Variants in RBM17 observed in about 807,000 individuals in gnomAD.
RBM17 encodes the protein RNA binding motif protein 17.
Under a neutral mutation model 53.2 loss-of-function variants are expected in RBM17, and 7 were observed. That is an observed-to-expected ratio of 0.13 (90% CI 0.07 to 0.25). The LOEUF is 0.25. Among genes scored for constraint, RBM17 ranks in the 10% least tolerant of loss-of-function variants. RBM17 has a pLI of 1.00. For missense variants in RBM17, 257 were observed against 496.7 expected, an observed-to-expected ratio of 0.52 and a Z score of 4.59; for synonymous variants, 167 against 178.1, an observed-to-expected ratio of 0.94 and a Z score of 0.50.
At chr10:6,095,517 C>G (rs1373555462) in intron 1 of RBM17, among the ~76,000 whole-genome samples, 1 of 152,100 alleles carries the variant, frequency 6.6e-6, no homozygotes, top group Non-Finnish European at 1.5e-5. Flanking sequence ...CCTGACCATC[C>G]CTTCATTCTT....
At chr10:6,100,803 T>A (rs1840658749) in intron 2 of RBM17, among the ~76,000 whole-genome samples, 1 of 152,208 alleles carries the variant, frequency 6.6e-6, no homozygotes, top group East Asian at 1.9e-4. Context: ...GTCCACGGTT[T>A]CAGGAGATTG....
rs367581457 is a variant in RBM17 at position 6,115,220 on chromosome 10, C to T, written c.1030-19C>T. ...CAATCTCAAATGCCTTTACTCATCA[C>T]GCTCTCATTTTCTTCCAGATTCCTG... On this transcript the variant is annotated intron_variant, in intron 10 of 11. Coordinates refer to ENST00000379888, the MANE Select transcript of RBM17 (RefSeq NM_032905.5). The T allele has an allele frequency of 2.3e-5, 37 of 1,603,178 alleles. No homozygotes were observed. The highest frequency in any genetic ancestry group is 1.7e-4 in the Admixed American group (10 of 58,566).
At chr10:6,114,932 C>G (rs1840892924) in intron 10 of RBM17, 2 of 310,734 alleles carry the variant, frequency 6.4e-6, no homozygotes, top group Non-Finnish European at 5.9e-6. Context: ...TCCTCTGTTT[C>G]TTTATCCTGT....
chr10:6,100,018 C>T (rs971527419), intron 2 of RBM17, among the ~76,000 whole-genome samples: 1 of 151,976 alleles, frequency 6.6e-6, no homozygotes, highest in Non-Finnish European at 1.5e-5. Context: ...AGATCGAACT[C>T]CAGCCTGGTG....
At chr10:6,094,361 A>G (rs1376598655) in intron 1 of RBM17, among the ~76,000 whole-genome samples, 2 of 152,162 alleles carry the variant, frequency 1.3e-5, no homozygotes, top group Non-Finnish European at 2.9e-5. Flanking sequence ...CATACTGGAG[A>G]TAGTCTGTAT....
At chr10:6,098,576 T>G (rs553535145) in intron 2 of RBM17, among the ~76,000 whole-genome samples, 3,262 of 122,040 alleles carry the variant, frequency 0.027, 88 homozygotes, top group Middle Eastern at 0.069. Context: ...TTTTTTTTTT[T>G]TTTTTTTTTT....
At chr10:6,090,860 AT>A (rs953617314) in intron 1 of RBM17, among the ~76,000 whole-genome samples, 4 of 145,054 alleles carry the variant, frequency 2.8e-5, no homozygotes, top group Admixed American at 7.6e-5. Flanking sequence ...TATGGGAAAA[AT>A]TTTTTTTTAA....
chr10:6,093,386 G>A (rs991701044), intron 1 of RBM17, among the ~76,000 whole-genome samples: 1 of 151,950 alleles, frequency 6.6e-6, no homozygotes, highest in Non-Finnish European at 1.5e-5. Context: ...CACCTGGCTA[G>A]TTTTATATTT....
At chr10:6,110,946 C>T (rs1840828075) in intron 7 of RBM17, among the ~76,000 whole-genome samples, 1 of 134,042 alleles carries the variant, frequency 7.5e-6, no homozygotes, top group African/African-American at 2.6e-5. Flanking sequence ...AGACATGAAG[C>T]TGGTTTTGTT....
rs1221504658 is a variant in RBM17 at position 6,098,556 on chromosome 10, G to GTTT, written c.123+1372_123+1374dup. Among the ~76,000 whole-genome samples, 83 of 87,976 alleles carry GTTT rather than the reference G, an allele frequency of 9.4e-4. 8 individuals carry two copies. Among genetic ancestry groups the GTTT allele is most frequent in the Middle Eastern group, 6.2e-3 (1 of 162 alleles). The allele number at this position is 87,976 out of a possible 152,430, so 57.7% of individuals were successfully genotyped here. On this transcript the variant is annotated intron_variant, in intron 2 of 11. Coordinates refer to ENST00000379888, the MANE Select transcript of RBM17 (RefSeq NM_032905.5). ...GTTTGAAAATTTCCGTAATACACAG[G>GTTT]TTTTTTGTTTTTTTTTTTTTTTTTT...
At chr10:6,098,308 C>T (rs965593641) in intron 2 of RBM17, among the ~76,000 whole-genome samples, 2 of 152,082 alleles carry the variant, frequency 1.3e-5, no homozygotes, top group African/African-American at 4.8e-5. Context: ...TAGTCAAAGG[C>T]TCCTTGCTGG....
intron 2 of RBM17, among the ~76,000 whole-genome samples, chr10:6,099,566 A>C (rs1252600190): frequency 2.6e-5 from 4 of 152,202 alleles, no homozygotes; most frequent in Admixed American, 2.6e-4. Context: ...CCATATTTTA[A>C]ATCATCTGTG....
intron 5 of RBM17, 38 bp from the exon 6 acceptor site, chr10:6,108,647 CG>C: frequency 6.4e-7 from 1 of 1,574,488 alleles, no homozygotes; most frequent in Non-Finnish European, 8.7e-7. Context: ...AGTCTGGCAT[CG>C]GAAACCTCCT....
In RBM17 at chr10:6,112,470, G is replaced by A. The variant is rs771093306; in HGVS notation, c.856+109G>A. Reference sequence around the variant, plus strand: ...TCAGCAGGGGGACAATGAGGCGTGTGGCCAGAGGGAGAGGGCTGGCCCTGC... The same window carrying A: ...TCAGCAGGGGGACAATGAGGCGTGTAGCCAGAGGGAGAGGGCTGGCCCTGC... On this transcript the variant is annotated intron_variant, in intron 8 of 11. Coordinates refer to ENST00000379888, the MANE Select transcript of RBM17 (RefSeq NM_032905.5). The surrounding 1 kb of genome is among the most constrained non-coding windows in gnomAD (Gnocchi z 4.4). 17 of 1,356,134 alleles carry A rather than the reference G, an allele frequency of 1.3e-5. No individual in the cohort carries two copies. Among genetic ancestry groups the A allele is most frequent in the East Asian group, 2.5e-5 (1 of 40,782 alleles). 84.0% of individuals were successfully genotyped at this position (1,356,134 alleles called of 1,614,324 possible). A position where few individuals can be genotyped will look rare whatever the true frequency, so the allele number is the denominator to read the frequency against.
chr10:6,112,430 C>G lies in RBM17; in HGVS notation c.856+69C>G, dbSNP rs756900243. ...CCCATCCATATCAGACATGGCCAGT[C>G]TTGATCCTCATGTGTCAGCAGGGGG... On this transcript the variant is annotated intron_variant, in intron 8 of 11. Transcript: ENST00000379888. This position sits in a 1 kb window ranked among gnomAD's most constrained non-coding sequence, Gnocchi z 4.4. 5 of 1,571,544 alleles carry G rather than the reference C, an allele frequency of 3.2e-6. No homozygotes were observed. In the South Asian group the frequency reaches 4.5e-5, roughly 14 times the overall value.
chr10:6,104,884 T>C (rs779855578), intron 3 of RBM17, 47 bp from the exon 4 acceptor site: 47 of 1,535,650 alleles, frequency 3.1e-5, no homozygotes, highest in Non-Finnish European at 4.2e-5. Context: ...GTGAGTAAAC[T>C]GGTAAGATAT....
chr10:6,112,349 G>T lies in RBM17; in HGVS notation c.844G>T (p.Ala282Ser). ...TGGCGGCAAGATCATCGTGGGCGAC[G>T]CCACAGAGAAAGGTGTGTCCCCAGG... ...KRGGKIIVGD[A>S]TEKDASKKSD... The change falls in exon 8 of 12, where the codon GCC becomes TCC. Residue 282 changes from alanine (A) to serine (S), a missense_variant. Physicochemically the swap from Ala to Ser is moderately conservative, Grantham distance 99. Around this residue, in one of 6 missense-constraint regions of RBM17, gnomAD observed 49 missense variants for 114.8 expected, o/e 0.43. Coordinates refer to ENST00000379888, the MANE Select transcript of RBM17 (RefSeq NM_032905.5). This position sits in a 1 kb window ranked among gnomAD's most constrained non-coding sequence, Gnocchi z 4.4. 1 of 1,613,898 alleles carries T rather than the reference G, an allele frequency of 6.2e-7. No homozygotes were observed. The highest frequency in any genetic ancestry group is 8.5e-7 in the Non-Finnish European group (1 of 1,179,966).
chr10:6,092,449 A>G (rs917806335), intron 1 of RBM17, among the ~76,000 whole-genome samples: 1 of 152,252 alleles, frequency 6.6e-6, no homozygotes, highest in Non-Finnish European at 1.5e-5. Flanking sequence ...ATTAACTAAA[A>G]CTGTAAATAA....
chr10:6,092,354 C>T (rs914717172), intron 1 of RBM17, among the ~76,000 whole-genome samples: 2 of 151,908 alleles, frequency 1.3e-5, no homozygotes, highest in Admixed American at 6.6e-5. Context: ...TCAGTAGTTG[C>T]GGTGGGGAGA....
Sources: gnomAD v4.1 joint callset for allele counts (sites outside exome capture counted in the v4.1 genomes callset) on GRCh38, gnomAD v4.1.1 for gene constraint, gnomAD v4.1.1 regional missense constraint, Gnocchi (gnomAD v3.1) non-coding constraint, MANE v1.5 for transcripts, NCBI Gene and HGNC (gene_info 2026-07-23, HGNC 2026-07-21) for gene names.